Variants in DNM3 observed in about 807,000 individuals in gnomAD.
DNM3 encodes the protein dynamin-3.
Under a neutral mutation model 101.6 loss-of-function variants are expected in DNM3, and 47 were observed. The ratio of observed to expected loss-of-function variants is 0.46; its 90% confidence interval spans 0.37 to 0.59. The LOEUF (loss-of-function observed/expected upper bound fraction) is 0.59. Ranked by LOEUF, DNM3 falls within the 20% of genes least tolerant of loss-of-function variation. The pLI, the probability that DNM3 is intolerant of heterozygous loss-of-function variation, is 0.00. For missense variants in DNM3, 849 were observed against 1,085.7 expected, an observed-to-expected ratio of 0.78 and a Z score of 3.06; for synonymous variants, 385 against 387.9, an observed-to-expected ratio of 0.99 and a Z score of 0.09.
intron 13 of DNM3, among the ~76,000 whole-genome samples, chr1:172,116,242 G>C (rs1205191582): frequency 6.6e-6 from 1 of 152,068 alleles, no homozygotes; most frequent in African/African-American, 2.4e-5. Flanking sequence ...TTCTTGTATT[G>C]TGCTGCCTGT....
chr1:172,259,669 G>A (rs2148707944), intron 15 of DNM3, among the ~76,000 whole-genome samples: 1 of 152,114 alleles, frequency 6.6e-6, no homozygotes, highest in South Asian at 2.1e-4. Context: ...GCAGCATATA[G>A]TTAGATCATT....
chr1:172,200,340 CT>C (rs1238007981), intron 14 of DNM3, among the ~76,000 whole-genome samples: 1 of 151,990 alleles, frequency 6.6e-6, no homozygotes, highest in Non-Finnish European at 1.5e-5. Flanking sequence ...CTTTGAAGTT[CT>C]TTCTTTCATT....
downstream of DNM3, among the ~76,000 whole-genome samples, chr1:172,417,617 A>G (rs1410754634): frequency 2.6e-5 from 4 of 152,194 alleles, no homozygotes; most frequent in Non-Finnish European, 5.9e-5. Context: ...TGGGGTTGCC[A>G]TGGACCAGAC....
At chr1:171,873,755 C>T (rs755591981) in intron 1 of DNM3, among the ~76,000 whole-genome samples, 22 of 152,310 alleles carry the variant, frequency 1.4e-4, no homozygotes, top group South Asian at 6.2e-4. Context: ...TTTCTTTTCT[C>T]GTTCTCCACG....
chr1:172,014,585 T>C (rs911117945), intron 4 of DNM3, among the ~76,000 whole-genome samples: 1 of 152,210 alleles, frequency 6.6e-6, no homozygotes, highest in African/African-American at 2.4e-5. Flanking sequence ...TTACTTGTCA[T>C]CTGTTTATCC....
At chr1:171,854,425 G>C (rs557699008) in intron 1 of DNM3, among the ~76,000 whole-genome samples, 2 of 152,264 alleles carry the variant, frequency 1.3e-5, no homozygotes, top group African/African-American at 4.8e-5. Context: ...ACTGGGGATG[G>C]AAGTTTAGAC....
intron 17 of DNM3, among the ~76,000 whole-genome samples, chr1:172,331,128 A>G (rs1223007629): frequency 6.6e-6 from 1 of 152,164 alleles, no homozygotes; most frequent in Non-Finnish European, 1.5e-5. Flanking sequence ...CTCAAATTCC[A>G]TGAGATGAAG....
intron 13 of DNM3, among the ~76,000 whole-genome samples, chr1:172,122,150 A>C (rs967707926): frequency 3.1e-4 from 47 of 152,346 alleles, no homozygotes; most frequent in African/African-American, 1.1e-3. Flanking sequence ...ATTATAGGAA[A>C]ATAGGAAAAA....
At chr1:171,973,488 A>G (rs1447721195) in intron 2 of DNM3, among the ~76,000 whole-genome samples, 1 of 151,970 alleles carries the variant, frequency 6.6e-6, no homozygotes, top group African/African-American at 2.4e-5. Context: ...GAGACCCTAT[A>G]CCTAGTTACT....
intron 4 of DNM3, among the ~76,000 whole-genome samples, chr1:172,023,696 A>G (rs1342582308): frequency 6.6e-6 from 1 of 152,044 alleles, no homozygotes; most frequent in Non-Finnish European, 1.5e-5. Flanking sequence ...AGTTTGTTCA[A>G]TCCATAAATT....
intron 4 of DNM3, among the ~76,000 whole-genome samples, chr1:172,001,507 G>A (rs1308266952): frequency 6.6e-6 from 1 of 151,950 alleles, no homozygotes; most frequent in Non-Finnish European, 1.5e-5. Flanking sequence ...CAGTATTTTA[G>A]CATTACCCAT....
At chr1:172,249,070 A>T (rs960681119) in intron 14 of DNM3, among the ~76,000 whole-genome samples, 1 of 152,188 alleles carries the variant, frequency 6.6e-6, no homozygotes, top group Non-Finnish European at 1.5e-5. Context: ...TGCCACGTGA[A>T]TAAAGTCCTC....
At chr1:172,295,555 C>T (rs9425271) in intron 15 of DNM3, among the ~76,000 whole-genome samples, 11,215 of 151,852 alleles carry the variant, frequency 0.074, 476 homozygotes, top group African/African-American at 0.11. Context: ...ATAAAATATA[C>T]GTATATATAT....
rs145646092 is a variant in DNM3 at position 172,327,911 on chromosome 1, A to G, written c.1893+4571A>G. ...CCTTTGCTTCTGTTTTTGGCAAATCAGCCTTAAAAGAGCATTGTTAAAGCC... is the reference window on the plus strand; with the variant it reads ...CCTTTGCTTCTGTTTTTGGCAAATCGGCCTTAAAAGAGCATTGTTAAAGCC... On this transcript the variant is annotated intron_variant, in intron 17 of 20. Coordinates refer to ENST00000627582, the MANE Select transcript of DNM3 (RefSeq NM_015569.5). Among the ~76,000 whole-genome samples, 838 of 152,316 alleles carry G rather than the reference A, an allele frequency of 5.5e-3. 6 individuals are homozygous for G. The highest frequency in any genetic ancestry group is 0.019 in the African/African-American group (789 of 41,586).
chr1:172,288,941 G>A (rs1174419345), intron 15 of DNM3, among the ~76,000 whole-genome samples: 1 of 152,094 alleles, frequency 6.6e-6, no homozygotes, highest in African/African-American at 2.4e-5. Flanking sequence ...ATCCTAGCTG[G>A]TAGTAATGCC....
At chr1:172,356,883 G>A (rs543959940) in intron 17 of DNM3, among the ~76,000 whole-genome samples, 14 of 152,126 alleles carry the variant, frequency 9.2e-5, no homozygotes, top group African/African-American at 3.4e-4. Flanking sequence ...AGCCTGGAAT[G>A]TCTCATGATG....
At chr1:172,387,551 C>A (rs563342812) in intron 19 of DNM3, among the ~76,000 whole-genome samples, 192 bp downstream of exon 19, 1 of 151,520 alleles carries the variant, frequency 6.6e-6, no homozygotes, top group African/African-American at 2.4e-5. Flanking sequence ...CCCAGCTACT[C>A]GGGAGGCTGA....
At chr1:172,364,382 G>A (rs2067900458) in intron 17 of DNM3, among the ~76,000 whole-genome samples, 2 of 151,788 alleles carry the variant, frequency 1.3e-5, no homozygotes, top group Admixed American at 6.6e-5. Flanking sequence ...AACTCAAAAA[G>A]AGGCAGTTAA....
intron 4 of DNM3, among the ~76,000 whole-genome samples, chr1:172,028,231 G>A (rs1416851951): frequency 6.6e-6 from 1 of 152,212 alleles, no homozygotes; most frequent in Non-Finnish European, 1.5e-5. Flanking sequence ...TCTGACCACA[G>A]TGCAATCAAA....
Sources: gnomAD v4.1 joint callset for allele counts (sites outside exome capture counted in the v4.1 genomes callset) on GRCh38, gnomAD v4.1.1 for gene constraint, MANE v1.5 for transcripts, NCBI Gene and HGNC (gene_info 2026-07-23, HGNC 2026-07-21) for gene names.